Variants in PHGR1 observed in about 807,000 individuals in gnomAD.
The protein encoded by PHGR1 is proline, histidine and glycine rich 1, also known as proline, histidine and glycine-rich protein 1.
PHGR1 carries 3 observed loss-of-function variants against 4.9 expected under a neutral mutation model. The ratio of observed to expected loss-of-function variants is 0.61; its 90% CI spans 0.28 to 1.58. PHGR1 has a LOEUF of 1.58. PHGR1 is among the 40% of genes most tolerant of loss of function. The probability of loss-of-function intolerance (pLI) is 0.11; values close to 1 mark genes in which losing one functional copy is unlikely to be tolerated. For synonymous variants in PHGR1, 32 were observed against 46.1 expected (o/e 0.69, Z 1.24); for missense variants, 81 against 118.7 (o/e 0.68, Z 1.48).
intron 2 of PHGR1, chr15:40,353,565 C>T (rs942489370): frequency 1.0e-5 from 4 of 392,592 alleles, no homozygotes; most frequent in African/African-American, 4.0e-5. Flanking sequence ...CAGGGAAAGG[C>T]CATAGAGGTG....
At chr15:40,354,091 C>A (rs922499767) in intron 2 of PHGR1, among the ~76,000 whole-genome samples, 3 of 152,132 alleles carry the variant, frequency 2.0e-5, no homozygotes, top group Non-Finnish European at 4.4e-5. Flanking sequence ...TGGCGCCACT[C>A]CACCCAGGAG....
chr15:40,351,743 A>AT (rs35226087), intron 1 of PHGR1, among the ~76,000 whole-genome samples: 67 of 148,184 alleles, frequency 4.5e-4, no homozygotes, highest in Admixed American at 1.7e-3. Context: ...CTACAAAACA[A>AT]TTTTTTTTTT....
intron 2 of PHGR1, 56 bp downstream of exon 2, chr15:40,353,323 G>T: frequency 6.5e-7 from 1 of 1,549,780 alleles, no homozygotes; most frequent in Non-Finnish European, 8.7e-7. Context: ...GCAGGAGAGC[G>T]GTAAAGGCAG....
chr15:40,353,137 GTGTGT>G, intron 1 of PHGR1, 90 bp from the exon 2 acceptor site: 3 of 945,866 alleles, frequency 3.2e-6, no homozygotes, highest in Non-Finnish European at 3.2e-6. Context: ...GTGTGTGTGT[GTGTGT>G]GTGTGCGCGC....
intron 3 of PHGR1, among the ~76,000 whole-genome samples, chr15:40,355,225 G>T (rs572210718): frequency 6.6e-6 from 1 of 151,286 alleles, no homozygotes; most frequent in African/African-American, 2.4e-5. Flanking sequence ...AATGATTCCA[G>T]CCAAGATGGA....
chr15:40,351,929 G>A (rs774131097), intron 1 of PHGR1, among the ~76,000 whole-genome samples: 22 of 152,024 alleles, frequency 1.4e-4, no homozygotes, highest in Non-Finnish European at 2.5e-4. Context: ...TAGAGACGGG[G>A]TTTCACCATA....
rs1348952061 is a variant in PHGR1, at chr15:40,353,148, C to T, written c.-26-84C>T. ...GTGTGTGTGTGTGTGTGTGTGTGTG[C>T]GCGCGCGCGCGCATCCGTGGGAGGG... is the stretch of plus-strand genomic sequence containing the variant. On this transcript the variant is annotated intron_variant, in intron 1 of 3. Coordinates refer to ENST00000448599, the MANE Select transcript of PHGR1 (RefSeq NM_001145643.2). 2,310 of 800,404 alleles carry T rather than the reference C, an allele frequency of 2.9e-3. 2 individuals carry two copies. Among genetic ancestry groups the T allele is most frequent in the Middle Eastern group, 4.6e-3 (16 of 3,444 alleles). 49.6% of individuals were successfully genotyped at this position (800,404 alleles called of 1,614,324 possible).
chr15:40,354,270 G>A, intron 2 of PHGR1, 75 bp from the exon 3 acceptor site: 1 of 1,493,116 alleles, frequency 6.7e-7, no homozygotes, highest in Non-Finnish European at 9.0e-7. Context: ...TAGTGCCAGG[G>A]AGAAGACAGG....
At chr15:40,354,209 T>C in intron 2 of PHGR1, 136 bp from the exon 3 acceptor site, 1 of 846,442 alleles carries the variant, frequency 1.2e-6, no homozygotes, top group Non-Finnish European at 1.8e-6. Context: ...GTCAGGCAAG[T>C]GACCATGTCT....
At chr15:40,355,173 CA>C (rs111832905) in intron 3 of PHGR1, among the ~76,000 whole-genome samples, 246 of 146,270 alleles carry the variant, frequency 1.7e-3, no homozygotes, top group Non-Finnish European at 2.8e-3. Context: ...GTTAAAAAAA[CA>C]AAAAAAAAAC....
chr15:40,353,211 A>G (rs1389462830), intron 1 of PHGR1, 21 bp from the exon 2 acceptor site: 1 of 1,550,174 alleles, frequency 6.5e-7, no homozygotes, highest in Admixed American at 2.0e-5. Flanking sequence ...CAGTAAATTA[A>G]AAGTTACCTT....
intron 1 of PHGR1, among the ~76,000 whole-genome samples, chr15:40,352,983 T>C (rs966024822): frequency 6.6e-6 from 1 of 152,150 alleles, no homozygotes; most frequent in African/African-American, 2.4e-5. Flanking sequence ...TGTGTCTCCA[T>C]CTACCCACCA....
chr15:40,355,462 A>G (rs950599655), intron 3 of PHGR1, among the ~76,000 whole-genome samples: 1 of 152,030 alleles, frequency 6.6e-6, no homozygotes, highest in African/African-American at 2.4e-5. Context: ...GCTATTTTAT[A>G]TAAATATGGC....
intron 2 of PHGR1, 53 bp downstream of exon 2, chr15:40,353,320 A>G: frequency 6.4e-7 from 1 of 1,550,636 alleles, no homozygotes; most frequent in Non-Finnish European, 8.7e-7. Flanking sequence ...AGAGCAGGAG[A>G]GCGGTAAAGG....
intron 3 of PHGR1, among the ~76,000 whole-genome samples, chr15:40,354,635 C>G (rs889704584): frequency 6.6e-6 from 1 of 152,232 alleles, no homozygotes; most frequent in South Asian, 2.1e-4. Context: ...CCCATCCTCT[C>G]TCCTGCTGCT....
At chr15:40,352,818 C>A (rs1223742649) in intron 1 of PHGR1, among the ~76,000 whole-genome samples, 1 of 152,226 alleles carries the variant, frequency 6.6e-6, no homozygotes, top group Non-Finnish European at 1.5e-5. Flanking sequence ...GACAAGCATA[C>A]CATGACCTGG....
At chr15:40,354,306 A>T in intron 2 of PHGR1, 39 bp from the exon 3 acceptor site, 1 of 1,503,612 alleles carries the variant, frequency 6.7e-7, no homozygotes. Flanking sequence ...GAACCAAATG[A>T]CCAAAGCTGC....
chr15:40,351,317 G>A (rs1889204415), intron 1 of PHGR1, among the ~76,000 whole-genome samples: 1 of 152,200 alleles, frequency 6.6e-6, no homozygotes. Flanking sequence ...GGGCTTAGCT[G>A]AGAGTGGAAG....
At chr15:40,354,779 C>G (rs559344336) in intron 3 of PHGR1, among the ~76,000 whole-genome samples, 13 of 152,334 alleles carry the variant, frequency 8.5e-5, no homozygotes, top group Non-Finnish European at 1.8e-4. Context: ...GAGACTGCGT[C>G]TCCTCCACCT....
Sources: gnomAD v4.1 joint callset for allele counts (sites outside exome capture counted in the v4.1 genomes callset) on GRCh38, gnomAD v4.1.1 for gene constraint, MANE v1.5 for transcripts, NCBI Gene and HGNC (gene_info 2026-07-23, HGNC 2026-07-21) for gene names.